The following CDH12 variants were observed in gnomAD, a reference collection of about 807,000 sequenced individuals.
CDH12 encodes cadherin-12.
Under a neutral mutation model 74.1 loss-of-function variants are expected in CDH12, and 41 were observed. The observed-to-expected ratio is 0.55, with a 90% confidence interval of 0.43 to 0.72. The LOEUF is 0.72. CDH12 is among the 30% of genes least tolerant of loss of function. The probability of loss-of-function intolerance (pLI) is 0.00; values close to 1 mark genes in which losing one functional copy is unlikely to be tolerated. For synonymous variants in CDH12, 399 were observed against 355.0 expected, an observed-to-expected ratio of 1.12 and a Z score of -1.39; for missense variants, 945 against 977.2, an observed-to-expected ratio of 0.97 and a Z score of 0.44.
chr5:22,162,476 C>G (rs1748411748), intron 4 of CDH12, among the ~76,000 whole-genome samples: 1 of 152,100 alleles, frequency 6.6e-6, no homozygotes, highest in Admixed American at 6.5e-5. Flanking sequence ...GGAGCTGCCT[C>G]AGGTTGGGTT....
intron 1 of CDH12, among the ~76,000 whole-genome samples, chr5:22,626,585 A>C (rs2126849925): frequency 6.6e-6 from 1 of 152,314 alleles, no homozygotes; most frequent in East Asian, 1.9e-4. Flanking sequence ...TACCAGCAAG[A>C]AAACTAAATA....
At chr5:22,524,431 T>C (rs531938693) in intron 1 of CDH12, among the ~76,000 whole-genome samples, 3 of 152,372 alleles carry the variant, frequency 2.0e-5, no homozygotes, top group East Asian at 3.9e-4. Context: ...GCATCTCTTA[T>C]GGCAATTATG....
At chr5:22,373,546 T>C (rs1007372459) in intron 3 of CDH12, among the ~76,000 whole-genome samples, 2 of 152,154 alleles carry the variant, frequency 1.3e-5, no homozygotes, top group Admixed American at 6.5e-5. Flanking sequence ...AGGACAGGCA[T>C]GCTCAGAACA....
At chr5:21,768,294 C>G (rs1347782119) in intron 11 of CDH12, among the ~76,000 whole-genome samples, 3 of 151,706 alleles carry the variant, frequency 2.0e-5, no homozygotes, top group Non-Finnish European at 4.4e-5. Context: ...GTCCCTTATA[C>G]CTTCACAATG....
chr5:21,866,043 C>G (rs909333979), intron 6 of CDH12, among the ~76,000 whole-genome samples: 1 of 152,138 alleles, frequency 6.6e-6, no homozygotes, highest in African/African-American at 2.4e-5. Flanking sequence ...GAAGGGAAAC[C>G]TCTTTCACTT....
Position 22,457,395 on chromosome 5 carries a change from TTCTTCC to T in CDH12, c.-428+47869_-428+47874del, listed in dbSNP as rs1158579069. Among the ~76,000 whole-genome samples, 83 of 146,422 alleles carry T rather than the reference TTCTTCC, an allele frequency of 5.7e-4. 1 individual carries two copies. The highest frequency in any genetic ancestry group is 2.8e-3 in the Admixed American group (37 of 13,252). On this transcript the variant is annotated intron_variant, in intron 2 of 14. Coordinates refer to ENST00000382254, the MANE Select transcript of CDH12 (RefSeq NM_004061.5). ...CTTCTCCTTTTCCTTCTCCTTCTCC[TTCTTCC>T]TCTTCCTCTTCCTCTTCTTCTTCAT... is the stretch of plus-strand genomic sequence containing the variant.
chr5:22,309,573 C>CTG (rs1176819018), intron 3 of CDH12, among the ~76,000 whole-genome samples: 1 of 151,886 alleles, frequency 6.6e-6, no homozygotes, highest in Non-Finnish European at 1.5e-5. Flanking sequence ...TCACAGTCAA[C>CTG]TGTGTGTGTG....
chr5:22,289,900 G>C (rs943062924), intron 3 of CDH12, among the ~76,000 whole-genome samples: 2 of 152,048 alleles, frequency 1.3e-5, no homozygotes, highest in East Asian at 1.9e-4. Flanking sequence ...AGAGTCCCAG[G>C]CTTCAGGTAT....
chr5:21,990,886 T>C (rs1757714431), intron 5 of CDH12, among the ~76,000 whole-genome samples: 1 of 151,382 alleles, frequency 6.6e-6, no homozygotes, highest in African/African-American at 2.4e-5. Flanking sequence ...GACTAGCATT[T>C]AAACTGAATC....
intron 5 of CDH12, among the ~76,000 whole-genome samples, chr5:22,027,061 A>G (rs1437490884): frequency 6.6e-6 from 1 of 152,106 alleles, no homozygotes; most frequent in East Asian, 1.9e-4. Flanking sequence ...TTCTGCATCT[A>G]TTGAGATAAT....
chr5:22,782,459 A>T (rs2126352274), intron 1 of CDH12, among the ~76,000 whole-genome samples: 1 of 152,218 alleles, frequency 6.6e-6, no homozygotes, highest in Non-Finnish European at 1.5e-5. Context: ...CCCTGTGAAG[A>T]GGGTACTTGC....
chr5:21,769,477 T>A (rs1299602286), intron 11 of CDH12, among the ~76,000 whole-genome samples: 1 of 152,114 alleles, frequency 6.6e-6, no homozygotes, highest in Non-Finnish European at 1.5e-5. Context: ...TCTAAATTTG[T>A]TAGTATATTA....
chr5:21,882,785 G>A, intron 6 of CDH12: 1 of 1,584,030 alleles, frequency 6.3e-7, no homozygotes, highest in South Asian at 1.1e-5. Flanking sequence ...TGATTATTGA[G>A]CAGAGCTGGG....
chr5:22,144,716 G>A (rs1276989002), intron 4 of CDH12, among the ~76,000 whole-genome samples: 3 of 151,870 alleles, frequency 2.0e-5, no homozygotes, highest in Non-Finnish European at 4.4e-5. Flanking sequence ...AAAAATGGCA[G>A]TCTTTCCACA....
chr5:22,696,601 A>AT (rs1459541776), intron 1 of CDH12, among the ~76,000 whole-genome samples: 1 of 152,134 alleles, frequency 6.6e-6, no homozygotes, highest in Non-Finnish European at 1.5e-5. Flanking sequence ...TCATCAGAAT[A>AT]TTGCTCAGTG....
intron 2 of CDH12, among the ~76,000 whole-genome samples, chr5:22,460,446 A>G (rs901871109): frequency 2.0e-5 from 3 of 152,168 alleles, no homozygotes; most frequent in African/African-American, 7.2e-5. Context: ...CGGAAAGGCA[A>G]ATACAGACAA....
intron 6 of CDH12, among the ~76,000 whole-genome samples, chr5:21,936,238 C>T (rs114971133): frequency 6.6e-6 from 1 of 152,082 alleles, no homozygotes; most frequent in Non-Finnish European, 1.5e-5. Flanking sequence ...TTTTCTGTAT[C>T]TCCGCGCCAA....
intron 1 of CDH12, among the ~76,000 whole-genome samples, chr5:22,549,719 C>T (rs905838100): frequency 6.6e-6 from 1 of 152,112 alleles, no homozygotes; most frequent in Admixed American, 6.5e-5. Flanking sequence ...CATGGTTAAT[C>T]TAAAAACCAA....
intron 8 of CDH12, among the ~76,000 whole-genome samples, chr5:21,818,734 G>T (rs1397577537): frequency 6.6e-6 from 1 of 151,856 alleles, no homozygotes; most frequent in Non-Finnish European, 1.5e-5. Flanking sequence ...AATTAGCTTA[G>T]TTAATTCATA....
Sources: gnomAD v4.1 joint callset for allele counts (sites outside exome capture counted in the v4.1 genomes callset) on GRCh38, gnomAD v4.1.1 for gene constraint, MANE v1.5 for transcripts, NCBI Gene and HGNC (gene_info 2026-07-23, HGNC 2026-07-21) for gene names.